BFSP1: variants seen among roughly 807,000 people sequenced by gnomAD.
BFSP1 encodes beaded filament structural protein 1, also known as filensin.
A neutral mutation model predicts 43.9 loss-of-function variants in BFSP1; 38 were observed. The observed-to-expected ratio is 0.87, with a 90% CI of 0.67 to 1.14. The LOEUF (loss-of-function observed/expected upper bound fraction) is 1.14, where lower values mean the gene tolerates loss of function less well. Among genes scored for constraint, BFSP1 ranks in the 50% most tolerant of loss-of-function variants. The pLI is 0.00. For synonymous variants in BFSP1, 352 were observed against 354.8 expected, an observed-to-expected ratio of 0.99 and a Z score of 0.09; for missense variants, 850 against 875.1, an observed-to-expected ratio of 0.97 and a Z score of 0.36.
intron 1 of BFSP1, among the ~76,000 whole-genome samples, chr20:17,564,511 TGTAA>T (rs1216046636): frequency 6.6e-6 from 1 of 152,222 alleles, no homozygotes; most frequent in East Asian, 1.9e-4. Context: ...GCCCTTATTT[TGTAA>T]GTCTTTGTTA....
At chr20:17,542,497 G>A (rs541765105) in intron 1 of BFSP1, among the ~76,000 whole-genome samples, 2 of 151,980 alleles carry the variant, frequency 1.3e-5, no homozygotes, top group African/African-American at 4.8e-5. Flanking sequence ...TACTCAGGAG[G>A]CTGAGGTGGG....
At position 17,496,970 on chromosome 20, in the gene BFSP1, C is replaced by CCAT. The variant is rs1165656656; in HGVS notation, c.1007_1009dup (p.His336_Gly337insAsp). On this transcript the variant is annotated inframe_insertion, in exon 7 of 8. Transcript: ENST00000377873. ...ACCGGATCCAGTGCTGAGAGAGACT[C>CCAT]CATGGCTCTGGGTGAACAGGGGAAT... 2 of 1,544,420 alleles carry CCAT rather than the reference C, an allele frequency of 1.3e-6. No individual in the cohort carries two copies. The highest frequency in any genetic ancestry group is 2.8e-5 in the African/African-American group (2 of 72,400).
chr20:17,569,216 G>C (rs1288739687), exon 1 of BFSP1: 1 of 152,226 alleles, frequency 6.6e-6, no homozygotes, highest in Admixed American at 6.5e-5. Flanking sequence ...GGCCACGGTC[G>C]CCTCGGGAAG....
chr20:17,533,061 T>TAAA (rs1457155973), upstream of BFSP1, among the ~76,000 whole-genome samples: 7 of 152,126 alleles, frequency 4.6e-5, no homozygotes, highest in Non-Finnish European at 1.0e-4. Flanking sequence ...CCATTTAAAA[T>TAAA]TAGATTTGGC....
intron 1 of BFSP1, among the ~76,000 whole-genome samples, chr20:17,527,852 A>G (rs1346755706): frequency 1.3e-5 from 2 of 152,280 alleles, no homozygotes; most frequent in African/African-American, 4.8e-5. Context: ...TAACTGTTTT[A>G]CATAAATTAT....
intron 1 of BFSP1, 91 bp from the exon 2 acceptor site, chr20:17,524,999 C>T (rs78111917): frequency 1.2e-5 from 13 of 1,122,984 alleles, no homozygotes; most frequent in Middle Eastern, 2.0e-4. Context: ...AACCTGGGTA[C>T]GATGCCCTCT....
chr20:17,503,686 C>T (rs1199499028), intron 5 of BFSP1, among the ~76,000 whole-genome samples: 1 of 152,244 alleles, frequency 6.6e-6, no homozygotes, highest in Admixed American at 6.5e-5. Context: ...CCTTGCCCTG[C>T]ACCTCAGCCT....
Position 17,530,943 on chromosome 20 carries a change from C to A in BFSP1, c.377+10G>T. The A allele has an allele frequency of 1.4e-6, 2 of 1,413,930 alleles. No homozygotes were observed. Among genetic ancestry groups the A allele is most frequent in the Non-Finnish European group, 1.8e-6 (2 of 1,087,522 alleles). The allele number at this position is 1,413,930 out of a possible 1,614,324, so 87.6% of individuals were successfully genotyped here. A position where few individuals can be genotyped will look rare whatever the true frequency, so the allele number is the denominator to read the frequency against. ...CCCTGCCTCGGTTTCCCCCGATGGCCGCCGCTTACTTGCTTCGGAACTCGT... is the reference window on the plus strand; with the variant it reads ...CCCTGCCTCGGTTTCCCCCGATGGCAGCCGCTTACTTGCTTCGGAACTCGT... On this transcript the variant is annotated intron_variant, in intron 1 of 7. Transcript: ENST00000377873.
At chr20:17,529,090 T>TGTGTGTGTGTGTGTGTGTGTGTGTGTGA (rs577672397) in intron 1 of BFSP1, among the ~76,000 whole-genome samples, 101 of 151,608 alleles carry the variant, frequency 6.7e-4, no homozygotes, top group African/African-American at 2.4e-3. Context: ...TGTGTGTGTG[T>TGTGTGTGTGTGTGTGTGTGTGTGTGTGA]GAGACAGAGT....
chr20:17,568,592 A>G (rs1371872021), intron 1 of BFSP1, among the ~76,000 whole-genome samples: 3 of 152,086 alleles, frequency 2.0e-5, no homozygotes, highest in Non-Finnish European at 4.4e-5. Flanking sequence ...GGGGCACACA[A>G]ATCTAGCTTT....
intron 1 of BFSP1, among the ~76,000 whole-genome samples, chr20:17,527,981 T>C (rs527326832): frequency 5.6e-4 from 86 of 152,348 alleles, no homozygotes; most frequent in African/African-American, 2.0e-3. Flanking sequence ...AAAGACCTGA[T>C]TTTGAAATTA....
intron 1 of BFSP1, among the ~76,000 whole-genome samples, chr20:17,537,497 C>A (rs1450121675): frequency 1.5e-5 from 2 of 135,160 alleles, no homozygotes; most frequent in Non-Finnish European, 3.1e-5. Context: ...GCCTGAGATT[C>A]AAACACTATC....
intron 1 of BFSP1, among the ~76,000 whole-genome samples, chr20:17,553,052 G>A (rs2034920824): frequency 6.6e-6 from 1 of 152,156 alleles, no homozygotes; most frequent in Non-Finnish European, 1.5e-5. Flanking sequence ...GTATGCATGG[G>A]GACTCTGGAG....
rs1373981872 is a variant in BFSP1 at position 17,494,396 on chromosome 20, T to C, written c.1676A>G (p.Lys559Arg). 6.2e-7 allele frequency: 1 copy of C among 1,614,218 alleles called. No homozygotes were observed. The highest frequency in any genetic ancestry group is 1.7e-5 in the Admixed American group (1 of 60,020). The change falls in exon 8 of 8, where the codon AAA becomes AGA. Residue 559 changes from lysine (K) to arginine (R), a missense_variant. Physicochemically the swap from Lys to Arg is conservative, Grantham distance 26. Coordinates refer to ENST00000377873, the MANE Select transcript of BFSP1 (RefSeq NM_001195.5). ...DGAELEGPEE[K>R]REGEERDEES... ...TTCGTCCCGCTCCTCACCCTCACGT[T>C]TCTCTTCAGGGCCTTCCAGCTCTGC...
intron 4 of BFSP1, among the ~76,000 whole-genome samples, chr20:17,510,953 G>A (rs964330350): frequency 1.8e-4 from 28 of 152,008 alleles, no homozygotes; most frequent in Non-Finnish European, 3.8e-4. Flanking sequence ...ATCATTTCCA[G>A]TGTTTGTGGG....
upstream of BFSP1, chr20:17,562,952 T>C (rs1048003893): frequency 1.3e-5 from 2 of 152,232 alleles, no homozygotes; most frequent in African/African-American, 4.8e-5. Context: ...CTCTGTGGTG[T>C]TAAGCAAGCA....
In BFSP1 at chr20:17,558,790, G is replaced by A; in HGVS notation, c.-101C>T. ...TGCCTGAGGTACCCTGCCTACCCAG[G>A]ACTCCAAAACCCTCTCCAGAGGGCC... On this transcript the variant is annotated 5_prime_UTR_variant, in exon 1 of 8. Coordinates refer to the BFSP1 transcript ENST00000377868. 1.3e-6 allele frequency: 2 copies of A among 1,524,334 alleles called. 1 individual carries two copies. Among genetic ancestry groups the A allele is most frequent in the South Asian group, 2.5e-5 (2 of 81,462 alleles). The allele number at this position is 1,524,334 out of a possible 1,614,324, so 94.4% of individuals were successfully genotyped here.
chr20:17,518,905 G>A (rs2034260228), intron 2 of BFSP1, among the ~76,000 whole-genome samples: 1 of 152,132 alleles, frequency 6.6e-6, no homozygotes, highest in Non-Finnish European at 1.5e-5. Context: ...ACCACACGAT[G>A]TGAAGGAAAA....
intron 5 of BFSP1, among the ~76,000 whole-genome samples, chr20:17,505,093 A>T (rs185648699): frequency 3.9e-4 from 59 of 152,268 alleles, no homozygotes; most frequent in Non-Finnish European, 7.9e-4. Context: ...TGTCACAGAA[A>T]CTCTCAGTCC....
Sources: gnomAD v4.1 joint callset for allele counts (sites outside exome capture counted in the v4.1 genomes callset) on GRCh38, gnomAD v4.1.1 for gene constraint, MANE v1.5 for transcripts, NCBI Gene and HGNC (gene_info 2026-07-23, HGNC 2026-07-21) for gene names.